Variants in NYAP2 observed in about 807,000 individuals in gnomAD.
NYAP2 encodes neuronal tyrosine-phosphorylated phosphoinositide-3-kinase adaptor 2, also known as neuronal tyrosine-phosphorylated phosphoinositide-3-kinase adapter 2.
In NYAP2, 23 loss-of-function variants were observed where a neutral mutation model predicts 50.4. The observed-to-expected ratio is 0.46, with a 90% CI of 0.33 to 0.65. The LOEUF (loss-of-function observed/expected upper bound fraction) is 0.65, where lower values mean the gene tolerates loss of function less well. Ranked by LOEUF, NYAP2 falls within the 30% of genes least tolerant of loss-of-function variation. The pLI, the probability that NYAP2 is intolerant of heterozygous loss-of-function variation, is 0.02. For missense variants in NYAP2, 885 were observed against 861.0 expected, an observed-to-expected ratio of 1.03 and a Z score of -0.35; for synonymous variants, 394 against 365.2, an observed-to-expected ratio of 1.08 and a Z score of -0.90.
intron 5 of NYAP2, among the ~76,000 whole-genome samples, chr2:225,621,631 G>T (rs939380101): frequency 1.3e-5 from 2 of 151,702 alleles, no homozygotes; most frequent in Non-Finnish European, 2.9e-5. Context: ...TATGTTATAT[G>T]TATTTAACTA....
At chr2:225,437,362 T>C (rs1426996163) in intron 3 of NYAP2, among the ~76,000 whole-genome samples, 1 of 152,198 alleles carries the variant, frequency 6.6e-6, no homozygotes, top group East Asian at 1.9e-4. Context: ...ATATGAACTG[T>C]TGGTATTACC....
chr2:225,526,473 G>A (rs994710459), intron 4 of NYAP2, among the ~76,000 whole-genome samples: 9 of 152,096 alleles, frequency 5.9e-5, no homozygotes, highest in African/African-American at 2.2e-4. Context: ...GATGATAGAG[G>A]TTCAGCAAAT....
chr2:225,647,689 TTGAA>T (rs1290405715), intron 6 of NYAP2, among the ~76,000 whole-genome samples: 2 of 152,058 alleles, frequency 1.3e-5, no homozygotes, highest in Non-Finnish European at 2.9e-5. Context: ...TACATAATAA[TTGAA>T]TGCTTATTAG....
chr2:225,600,849 A>C (rs1331905694), intron 5 of NYAP2, among the ~76,000 whole-genome samples: 2 of 152,234 alleles, frequency 1.3e-5, no homozygotes, highest in African/African-American at 4.8e-5. Flanking sequence ...TTCACTTAGC[A>C]TGTCCTCAAT....
chr2:225,603,509 TG>T (rs1692732611), intron 5 of NYAP2, among the ~76,000 whole-genome samples: 1 of 152,192 alleles, frequency 6.6e-6, no homozygotes, highest in African/African-American at 2.4e-5. Flanking sequence ...GTCACCCCGC[TG>T]GAGTGCAGTA....
At chr2:225,625,250 T>C (rs771941236) in intron 5 of NYAP2, among the ~76,000 whole-genome samples, 4 of 152,142 alleles carry the variant, frequency 2.6e-5, no homozygotes, top group Admixed American at 6.5e-5. Flanking sequence ...AGGAATGTTA[T>C]ATTTCCTACA....
At chr2:225,588,148 A>T (rs906828193) in intron 5 of NYAP2, among the ~76,000 whole-genome samples, 3 of 151,814 alleles carry the variant, frequency 2.0e-5, no homozygotes, top group African/African-American at 7.3e-5. Flanking sequence ...CTGATCTCGA[A>T]CTCCTGACCT....
intron 3 of NYAP2, among the ~76,000 whole-genome samples, chr2:225,480,728 C>T (rs1373754238): frequency 4.6e-5 from 7 of 152,032 alleles, no homozygotes; most frequent in Admixed American, 4.6e-4. Context: ...CATATAGGAG[C>T]TGTGTTTGAG....
intron 4 of NYAP2, among the ~76,000 whole-genome samples, chr2:225,564,889 G>A (rs1691936370): frequency 1.3e-5 from 2 of 152,054 alleles, no homozygotes; most frequent in South Asian, 4.1e-4. Flanking sequence ...CAGCACTGTG[G>A]GAGACCAAGG....
intron 3 of NYAP2, among the ~76,000 whole-genome samples, chr2:225,493,142 C>A (rs547101171): frequency 6.6e-6 from 1 of 152,002 alleles, no homozygotes; most frequent in South Asian, 2.1e-4. Context: ...TGTGCTACAC[C>A]ACCTGGCTAA....
At chr2:225,409,011 G>A (rs562957302) in exon 3 of NYAP2, 2 of 1,612,454 alleles carry the variant, frequency 1.2e-6, no homozygotes, top group African/African-American at 2.7e-5. Context: ...GATATTGCTC[G>A]AGAGAATGAT....
At chr2:225,627,168 C>T (rs1693225352) in intron 6 of NYAP2, 42 bp downstream of exon 6, 2 of 1,390,474 alleles carry the variant, frequency 1.4e-6, no homozygotes, top group African/African-American at 2.9e-5. Flanking sequence ...TTCCTCCTGT[C>T]TCTAGAGACT....
At chr2:225,548,486 T>G (rs536820872) in intron 4 of NYAP2, among the ~76,000 whole-genome samples, 1 of 152,070 alleles carries the variant, frequency 6.6e-6, no homozygotes, top group South Asian at 2.1e-4. Context: ...CACTATCCTA[T>G]TACATAATGC....
At chr2:225,465,736 A>G (rs1305414622) in intron 3 of NYAP2, among the ~76,000 whole-genome samples, 1 of 152,100 alleles carries the variant, frequency 6.6e-6, no homozygotes, top group East Asian at 1.9e-4. Flanking sequence ...CAAACAAACA[A>G]AAAACACTCT....
At chr2:225,662,417 T>A in the NYAP2 span, among the ~76,000 whole-genome samples, 2 of 152,192 alleles carry the variant, frequency 1.3e-5, no homozygotes, top group Non-Finnish European at 2.9e-5. Context: ...CACATAGATA[T>A]CAGCTTCCAG....
intron 3 of NYAP2, among the ~76,000 whole-genome samples, chr2:225,433,738 A>G (rs1175931738): frequency 7.2e-6 from 1 of 139,450 alleles, no homozygotes; most frequent in East Asian, 2.3e-4. Flanking sequence ...AATGGCGTGA[A>G]CCCGGGAGGC....
intron 4 of NYAP2, among the ~76,000 whole-genome samples, chr2:225,523,140 T>C (rs1691096310): frequency 6.6e-6 from 1 of 152,226 alleles, no homozygotes; most frequent in South Asian, 2.1e-4. Context: ...GATTTTGCTT[T>C]CTCAGTTCCT....
chr2:225,560,933 G>GTT (rs34298369), intron 4 of NYAP2, among the ~76,000 whole-genome samples: 89,717 of 136,220 alleles, frequency 0.66, 31,726 homozygotes, highest in South Asian at 0.81. Flanking sequence ...TTTCCAAAAC[G>GTT]TTTTTTTTTT....
chr2:225,610,539 A>G (rs1692864213), intron 5 of NYAP2, among the ~76,000 whole-genome samples: 1 of 152,170 alleles, frequency 6.6e-6, no homozygotes, highest in Non-Finnish European at 1.5e-5. Flanking sequence ...AGAGTTTAGA[A>G]TAGTAGATAG....
Sources: gnomAD v4.1 joint callset for allele counts (sites outside exome capture counted in the v4.1 genomes callset) on GRCh38, gnomAD v4.1.1 for gene constraint, MANE v1.5 for transcripts, NCBI Gene and HGNC (gene_info 2026-07-23, HGNC 2026-07-21) for gene names.